Variants in LYPD6B observed in about 807,000 individuals in gnomAD.
LYPD6B encodes ly6/PLAUR domain-containing protein 6B.
Under a neutral mutation model 22.8 loss-of-function variants are expected in LYPD6B, and 17 were observed. That is an observed-to-expected ratio of 0.75 (90% CI 0.51 to 1.12). LYPD6B has a LOEUF of 1.12. Ranked by LOEUF, LYPD6B falls within the 50% of genes most tolerant of loss-of-function variation. The pLI is 0.00. For missense variants in LYPD6B, 221 were observed against 258.3 expected, an observed-to-expected ratio of 0.86 and a Z score of 0.99; for synonymous variants, 106 against 91.6, an observed-to-expected ratio of 1.16 and a Z score of -0.90.
intron 3 of LYPD6B, among the ~76,000 whole-genome samples, chr2:149,199,853 C>A (rs569224630): frequency 1.3e-5 from 2 of 152,288 alleles, no homozygotes; most frequent in East Asian, 3.9e-4. Context: ...AGCCTCAGTT[C>A]CCTTGCAAGG....
intron 3 of LYPD6B, among the ~76,000 whole-genome samples, chr2:149,193,189 C>G (rs1692603727): frequency 6.6e-6 from 1 of 152,112 alleles, no homozygotes; most frequent in Non-Finnish European, 1.5e-5. Flanking sequence ...TGGCCAGTCT[C>G]TTAGGCACTT....
chr2:149,173,931 A>G (rs1468366652), intron 3 of LYPD6B, among the ~76,000 whole-genome samples: 1 of 152,240 alleles, frequency 6.6e-6, no homozygotes, highest in East Asian at 1.9e-4. Flanking sequence ...TCTGTGAAGA[A>G]TGTCAATGAT....
chr2:149,131,277 G>C (rs13009929), intron 2 of LYPD6B: 180,729 of 276,822 alleles, frequency 0.65, 59,637 homozygotes, highest in East Asian at 0.92. Flanking sequence ...GGTTCCTTAA[G>C]GTTGCCAGCA....
intron 1 of LYPD6B, among the ~76,000 whole-genome samples, chr2:149,046,607 G>A (rs576757858): frequency 6.6e-6 from 1 of 152,030 alleles, no homozygotes; most frequent in African/African-American, 2.4e-5. Context: ...CGACCTCCTG[G>A]TCTTGAGCAT....
chr2:149,059,977 A>G (rs1423302273), intron 1 of LYPD6B, among the ~76,000 whole-genome samples: 1 of 151,848 alleles, frequency 6.6e-6, no homozygotes, highest in African/African-American at 2.4e-5. Flanking sequence ...GGTAAACTGT[A>G]GGCTCAGCAT....
chr2:149,205,099 C>T, intron 3 of LYPD6B, 154 bp from the exon 4 acceptor site: 1 of 722,548 alleles, frequency 1.4e-6, no homozygotes, highest in Non-Finnish European at 2.2e-6. Flanking sequence ...TTCATTTGAT[C>T]AAAAACAATG....
intron 2 of LYPD6B, among the ~76,000 whole-genome samples, chr2:149,157,938 G>T (rs1346604250): frequency 6.6e-6 from 1 of 152,100 alleles, no homozygotes; most frequent in Admixed American, 6.6e-5. Context: ...CTGGGTCGGG[G>T]GTCAGGAATG....
chr2:149,112,934 T>A (rs1485625381), intron 1 of LYPD6B, among the ~76,000 whole-genome samples: 1 of 152,122 alleles, frequency 6.6e-6, no homozygotes, highest in Non-Finnish European at 1.5e-5. Context: ...TTCCTTTAAA[T>A]AGAAACACCA....
At chr2:149,093,101 G>T (rs1264237139) in intron 1 of LYPD6B, among the ~76,000 whole-genome samples, 14 of 152,192 alleles carry the variant, frequency 9.2e-5, no homozygotes, top group Admixed American at 9.2e-4. Context: ...CTGGAACAAG[G>T]CTGTCAGAAG....
At chr2:149,059,616 C>G (rs6724064) in intron 1 of LYPD6B, among the ~76,000 whole-genome samples, 81 of 152,192 alleles carry the variant, frequency 5.3e-4, no homozygotes, top group Non-Finnish European at 9.7e-4. Flanking sequence ...GGCGTTGTTC[C>G]GTTCACCTGC....
chr2:149,212,380 C>CAAAAAAAAAAAAAAAAAA lies in LYPD6B; in HGVS notation c.329-605_329-588dup, dbSNP rs386391473. On this transcript the variant is annotated intron_variant, in intron 5 of 6. Transcript: ENST00000409642. ...CTGGGGACAGAGTAAGACTCCGTCT[C>CAAAAAAAAAAAAAAAAAA]AAAAAAAAAAAAAAAAAAAAAAAAG... 2.0e-4 allele frequency among the ~76,000 whole-genome samples: 12 copies of CAAAAAAAAAAAAAAAAAA among 60,130 alleles called. 1 individual carries two copies. Among genetic ancestry groups the CAAAAAAAAAAAAAAAAAA allele is most frequent in the African/African-American group, 8.3e-4 (11 of 13,322 alleles). The allele number at this position is 60,130 out of a possible 152,430, so 39.4% of individuals were successfully genotyped here.
chr2:149,141,255 C>A (rs1398746492), intron 2 of LYPD6B, among the ~76,000 whole-genome samples: 1 of 152,086 alleles, frequency 6.6e-6, no homozygotes, highest in Non-Finnish European at 1.5e-5. Flanking sequence ...GCAGAGCATT[C>A]CAGGAAATGG....
chr2:149,085,899 G>A (rs1210939411), intron 1 of LYPD6B, among the ~76,000 whole-genome samples: 2 of 17,886 alleles, frequency 1.1e-4, no homozygotes, highest in African/African-American at 3.5e-4. Flanking sequence ...ATGGGAAGGC[G>A]CCCTTTGCTC....
intron 1 of LYPD6B, among the ~76,000 whole-genome samples, chr2:149,071,789 C>A (rs976931185): frequency 6.6e-6 from 1 of 152,072 alleles, no homozygotes; most frequent in Admixed American, 6.5e-5. Context: ...CAAAGAGCCA[C>A]GAAGGAAAAC....
At chr2:149,175,176 A>G (rs1691206668) in intron 3 of LYPD6B, among the ~76,000 whole-genome samples, 1 of 151,942 alleles carries the variant, frequency 6.6e-6, no homozygotes, top group African/African-American at 2.4e-5. Flanking sequence ...GAGTGCACTC[A>G]CACAAACCTA....
chr2:149,049,852 G>C (rs1374176240), intron 1 of LYPD6B, among the ~76,000 whole-genome samples: 9 of 152,166 alleles, frequency 5.9e-5, no homozygotes, highest in Non-Finnish European at 1.5e-5. Context: ...AAGGTATTTG[G>C]GGATGGGGAG....
chr2:149,142,562 C>T (rs2105777894), intron 2 of LYPD6B, among the ~76,000 whole-genome samples: 1 of 152,248 alleles, frequency 6.6e-6, no homozygotes, highest in African/African-American at 2.4e-5. Flanking sequence ...ATACCGCATC[C>T]TTAAAATGCA....
Position 149,080,841 on chromosome 2 carries a change from C to CAAAAAAAAAAAAAAAAAAAAAAAAAAA in LYPD6B, c.-67+42066_-67+42067insAAAAAAAAAAAAAAAAAAAAAAAAAAA, listed in dbSNP as rs35803068. ...TGGGTAACAGAGCAAGACTCTATCT[C>CAAAAAAAAAAAAAAAAAAAAAAAAAAA]AAAAAAAAAAAAAAAAAAAAAAAAA... On this transcript the variant is annotated intron_variant, in intron 1 of 6. Transcript: ENST00000409642. 4.3e-5 allele frequency among the ~76,000 whole-genome samples: 2 copies of CAAAAAAAAAAAAAAAAAAAAAAAAAAA among 46,228 alleles called. 1 individual carries two copies. 30.3% of individuals were successfully genotyped at this position (46,228 alleles called of 152,430 possible).
intron 3 of LYPD6B, among the ~76,000 whole-genome samples, chr2:149,189,640 A>G (rs188495830): frequency 6.1e-4 from 93 of 152,062 alleles, no homozygotes; most frequent in African/African-American, 2.2e-3. Flanking sequence ...TCACAACACT[A>G]TATACATAAA....
Sources: gnomAD v4.1 joint callset for allele counts (sites outside exome capture counted in the v4.1 genomes callset) on GRCh38, gnomAD v4.1.1 for gene constraint, MANE v1.5 for transcripts, NCBI Gene and HGNC (gene_info 2026-07-23, HGNC 2026-07-21) for gene names.